Variants in CADPS observed in about 807,000 individuals in gnomAD.
CADPS encodes the protein calcium-dependent secretion activator 1.
CADPS carries 57 observed loss-of-function variants against 167.3 expected under a neutral mutation model. That is an observed-to-expected ratio of 0.34 (90% CI 0.28 to 0.42). The LOEUF (loss-of-function observed/expected upper bound fraction) is 0.42, where lower values mean the gene tolerates loss of function less well. Among genes scored for constraint, CADPS ranks in the 20% least tolerant of loss-of-function variants. The pLI, the probability that CADPS is intolerant of heterozygous loss-of-function variation, is 1.00. For missense variants in CADPS, 1,414 were observed against 1,738.1 expected (o/e 0.81, Z 3.32); for synonymous variants, 676 against 635.3 (o/e 1.06, Z -0.96).
At chr3:62,867,420 T>G (rs1577613603) in intron 1 of CADPS, among the ~76,000 whole-genome samples, 1 of 152,178 alleles carries the variant, frequency 6.6e-6, no homozygotes, top group East Asian at 1.9e-4. Context: ...CTCCTATGAA[T>G]TCTATCCATG....
In CADPS at chr3:62,599,817, T is replaced by TATAA. The variant is rs1562715632; in HGVS notation, c.1326-7070_1326-7069insTTAT. 9.9e-3 allele frequency among the ~76,000 whole-genome samples: 67 copies of TATAA among 6,744 alleles called. 1 individual carries two copies. The highest frequency in any genetic ancestry group is 0.083 in the Middle Eastern group (1 of 12). The allele number at this position is 6,744 out of a possible 152,430, so 4.4% of individuals were successfully genotyped here. On this transcript the variant is annotated intron_variant, in intron 6 of 29. Coordinates refer to ENST00000383710, the MANE Select transcript of CADPS (RefSeq NM_003716.4). The stretch of plus-strand genomic sequence containing the variant: ...TATATAATATATAATAAATAATATA[T>TATAA]TATATATTATATATATAATATATTA...
chr3:62,641,626 C>T (rs745531112), intron 6 of CADPS, among the ~76,000 whole-genome samples: 2 of 152,100 alleles, frequency 1.3e-5, no homozygotes, highest in Non-Finnish European at 2.9e-5. Context: ...GGTTTCCCAT[C>T]AGAAGCAAAA....
At chr3:62,486,444 C>CAAAAA (rs1219097343) in intron 21 of CADPS, among the ~76,000 whole-genome samples, 2 of 63,922 alleles carry the variant, frequency 3.1e-5, no homozygotes, top group African/African-American at 4.7e-5. Flanking sequence ...GACTCCGTCT[C>CAAAAA]AAAAAAAAAA....
intron 8 of CADPS, among the ~76,000 whole-genome samples, chr3:62,577,938 G>A (rs1009058796): frequency 5.3e-5 from 8 of 152,106 alleles, no homozygotes; most frequent in Admixed American, 4.6e-4. Context: ...TAGGAAAAAG[G>A]TAACAAAGAT....
At chr3:62,873,117 T>C (rs2082942606) in intron 1 of CADPS, among the ~76,000 whole-genome samples, 1 of 152,252 alleles carries the variant, frequency 6.6e-6, no homozygotes, top group Admixed American at 6.5e-5. Context: ...GTCTTGTGTG[T>C]AACCCACCTC....
At chr3:62,826,826 C>T (rs571899517) in intron 1 of CADPS, among the ~76,000 whole-genome samples, 11 of 152,156 alleles carry the variant, frequency 7.2e-5, no homozygotes, top group Non-Finnish European at 1.5e-4. Flanking sequence ...GGTCACTCTG[C>T]TATTTAGGTG....
At chr3:62,819,401 T>TGTGTGC (rs1388103876) in intron 1 of CADPS, among the ~76,000 whole-genome samples, 3 of 126,018 alleles carry the variant, frequency 2.4e-5, no homozygotes, top group Admixed American at 1.6e-4. Flanking sequence ...AATGACAATC[T>TGTGTGC]GTGTGCGTGT....
At chr3:62,794,780 A>T (rs1406776173) in intron 1 of CADPS, among the ~76,000 whole-genome samples, 1 of 27,108 alleles carries the variant, frequency 3.7e-5, no homozygotes, top group Non-Finnish European at 1.3e-4. Context: ...CAAGGTGGTA[A>T]AAAAAAAAAA....
intron 1 of CADPS, among the ~76,000 whole-genome samples, chr3:62,808,646 T>C (rs996518031): frequency 1.3e-5 from 2 of 152,098 alleles, no homozygotes; most frequent in African/African-American, 2.4e-5. Flanking sequence ...ATGTCAAATG[T>C]TGGGGAGTGC....
At chr3:62,691,537 T>C (rs913796163) in intron 3 of CADPS, among the ~76,000 whole-genome samples, 2 of 152,116 alleles carry the variant, frequency 1.3e-5, no homozygotes, top group Non-Finnish European at 2.9e-5. Context: ...CAGTCAGTAA[T>C]GGTGCTTCCT....
chr3:62,734,375 T>C (rs2078561112), intron 3 of CADPS, among the ~76,000 whole-genome samples: 1 of 152,180 alleles, frequency 6.6e-6, no homozygotes, highest in African/African-American at 2.4e-5. Flanking sequence ...AGGTAGTCGC[T>C]ACCATTTTGG....
chr3:62,740,184 A>T (rs1255496224), intron 3 of CADPS, among the ~76,000 whole-genome samples: 3 of 152,158 alleles, frequency 2.0e-5, no homozygotes. Flanking sequence ...GATTTGTTTC[A>T]TTTGTATCAC....
At chr3:62,718,199 C>T (rs2085060354) in intron 3 of CADPS, among the ~76,000 whole-genome samples, 1 of 152,078 alleles carries the variant, frequency 6.6e-6, no homozygotes, top group Admixed American at 6.5e-5. Context: ...AATGAAAGCT[C>T]CCTAGTGCCA....
chr3:62,505,804 G>A (rs1410421623), intron 17 of CADPS, among the ~76,000 whole-genome samples: 1 of 152,162 alleles, frequency 6.6e-6, no homozygotes, highest in African/African-American at 2.4e-5. Context: ...CTATCTCCCT[G>A]TCTGCCAGGG....
intron 3 of CADPS, among the ~76,000 whole-genome samples, chr3:62,699,947 G>A (rs1396602695): frequency 6.6e-6 from 1 of 152,096 alleles, no homozygotes; most frequent in Non-Finnish European, 1.5e-5. Context: ...GCAGAGCTGA[G>A]TAGTTGCAAC....
intron 2 of CADPS, among the ~76,000 whole-genome samples, chr3:62,764,047 T>G (rs967949203): frequency 6.6e-6 from 1 of 152,310 alleles, no homozygotes; most frequent in Admixed American, 6.5e-5. Context: ...TTTTAATTTA[T>G]GCCATTAGTC....
intron 1 of CADPS, among the ~76,000 whole-genome samples, chr3:62,847,240 A>G (rs2077615347): frequency 6.8e-6 from 1 of 147,560 alleles, no homozygotes; most frequent in African/African-American, 2.5e-5. Flanking sequence ...ACCTCCAGTT[A>G]CCAAATCCCA....
chr3:62,765,792 TC>T (rs2086693131), intron 2 of CADPS, 78 bp downstream of exon 2: 2 of 809,998 alleles, frequency 2.5e-6, no homozygotes, highest in Middle Eastern at 2.5e-4. Flanking sequence ...AAAACGACTG[TC>T]CCCATTGCCC....
At chr3:62,558,640 G>A (rs9829268) in intron 9 of CADPS, among the ~76,000 whole-genome samples, 6,123 of 152,210 alleles carry the variant, frequency 0.04, 179 homozygotes, top group African/African-American at 0.075. Flanking sequence ...TGACGCTCTC[G>A]AGTGCTACAT....
Sources: gnomAD v4.1 joint callset for allele counts (sites outside exome capture counted in the v4.1 genomes callset) on GRCh38, gnomAD v4.1.1 for gene constraint, MANE v1.5 for transcripts, NCBI Gene and HGNC (gene_info 2026-07-23, HGNC 2026-07-21) for gene names.